ARHGAP20: variants seen among roughly 807,000 people sequenced by gnomAD.
The protein encoded by ARHGAP20 is Rho GTPase activating protein 20.
In ARHGAP20, 34 loss-of-function variants were observed where a neutral mutation model predicts 73.7. That is an observed-to-expected ratio of 0.46 (90% CI 0.35 to 0.61). The LOEUF (loss-of-function observed/expected upper bound fraction) is 0.61, where lower values mean the gene tolerates loss of function less well. Ranked by LOEUF, ARHGAP20 falls within the 20% of genes least tolerant of loss-of-function variation. The pLI is 0.00. For missense variants in ARHGAP20, 1,314 were observed against 1,420.9 expected (o/e 0.92, Z 1.21); for synonymous variants, 523 against 518.2 (o/e 1.01, Z -0.13).
chr11:110,627,021 T>C (rs1472656398), intron 3 of ARHGAP20, among the ~76,000 whole-genome samples: 1 of 152,124 alleles, frequency 6.6e-6, no homozygotes, highest in Non-Finnish European at 1.5e-5. Context: ...CTATCTCCAA[T>C]AGTATTATGA....
At chr11:110,630,888 A>G in intron 2 of ARHGAP20, 96 bp from the exon 3 acceptor site, 1 of 1,294,136 alleles carries the variant, frequency 7.7e-7, no homozygotes. Context: ...ACAATGGTAT[A>G]GCATCCTAAC....
intron 9 of ARHGAP20, among the ~76,000 whole-genome samples, chr11:110,594,942 A>T (rs1305629007): frequency 6.6e-6 from 1 of 151,780 alleles, no homozygotes; most frequent in Non-Finnish European, 1.5e-5. Flanking sequence ...AAGCTTATCC[A>T]CCATGATCCA....
chr11:110,625,885 C>T (rs1486425708), intron 3 of ARHGAP20, among the ~76,000 whole-genome samples: 1 of 152,120 alleles, frequency 6.6e-6, no homozygotes, highest in African/African-American at 2.4e-5. Flanking sequence ...ATGGAAGTAT[C>T]CCTAAAAATT....
At chr11:110,609,174 T>C in intron 7 of ARHGAP20, 124 bp from the exon 8 acceptor site, 1 of 758,546 alleles carries the variant, frequency 1.3e-6, no homozygotes, top group South Asian at 1.7e-5. Context: ...TAGTTAGAGA[T>C]CCATGAACTG....
chr11:110,695,023 A>G (rs1441775158), intron 1 of ARHGAP20, among the ~76,000 whole-genome samples: 1 of 151,632 alleles, frequency 6.6e-6, no homozygotes, highest in Non-Finnish European at 1.5e-5. Context: ...TGCACTGCAA[A>G]CTACACCTTT....
At chr11:110,639,666 C>T (rs1005927497) in intron 2 of ARHGAP20, among the ~76,000 whole-genome samples, 3 of 152,044 alleles carry the variant, frequency 2.0e-5, no homozygotes, top group South Asian at 4.1e-4. Context: ...TTGCCTATTT[C>T]GGGTATTTCA....
At chr11:110,609,436 A>T (rs553400626) in intron 7 of ARHGAP20, among the ~76,000 whole-genome samples, 2 of 152,266 alleles carry the variant, frequency 1.3e-5, no homozygotes, top group East Asian at 3.9e-4. Flanking sequence ...TAATATCTCA[A>T]AGGCTGATTA....
At chr11:110,676,009 C>T (rs1286744264) in intron 2 of ARHGAP20, among the ~76,000 whole-genome samples, 1 of 152,126 alleles carries the variant, frequency 6.6e-6, no homozygotes, top group Non-Finnish European at 1.5e-5. Context: ...TTGAATGAAT[C>T]ACAACATTTT....
intron 4 of ARHGAP20, among the ~76,000 whole-genome samples, chr11:110,617,461 C>T (rs917497708): frequency 1.3e-5 from 2 of 152,062 alleles, no homozygotes; most frequent in Non-Finnish European, 2.9e-5. Context: ...CAGGATTTCT[C>T]CATGTTGGCC....
chr11:110,577,212 A>ATATT lies in ARHGAP20; in HGVS notation c.*2154_*2157dup. 1 of 1,516,968 alleles carries ATATT rather than the reference A, an allele frequency of 6.6e-7. No individual in the cohort carries two copies. The highest frequency in any genetic ancestry group is 8.8e-7 in the Non-Finnish European group (1 of 1,135,580). The allele number at this position is 1,516,968 out of a possible 1,614,324, so 94.0% of individuals were successfully genotyped here. ...ATATGGTAGTAAAATTTGTCAAGAT[A>ATATT]TATTATACAAACTCAAAGCATTTTA... On this transcript the variant is annotated 3_prime_UTR_variant, in exon 15 of 15. Coordinates refer to ENST00000683387, the MANE Select transcript of ARHGAP20 (RefSeq NM_001384657.1).
At chr11:110,656,537 G>A (rs985280589) in intron 2 of ARHGAP20, among the ~76,000 whole-genome samples, 1 of 152,236 alleles carries the variant, frequency 6.6e-6, no homozygotes, top group Admixed American at 6.5e-5. Context: ...TAGTAAGGGA[G>A]AGAGTTCCCT....
intron 2 of ARHGAP20, among the ~76,000 whole-genome samples, chr11:110,642,519 G>C (rs904363220): frequency 5.7e-4 from 86 of 152,038 alleles, no homozygotes; most frequent in African/African-American, 2.0e-3. Context: ...TTTGTTGAAA[G>C]CTTTTCCTGT....
chr11:110,657,995 G>T (rs1312680539), intron 2 of ARHGAP20, among the ~76,000 whole-genome samples: 1 of 151,780 alleles, frequency 6.6e-6, no homozygotes, highest in African/African-American at 2.4e-5. Flanking sequence ...TGAAGTATGG[G>T]GAGGAAGTTC....
chr11:110,584,966 T>TATATGTGAATATATGA (rs1555082410), intron 12 of ARHGAP20, among the ~76,000 whole-genome samples: 1,569 of 105,900 alleles, frequency 0.015, 23 homozygotes, highest in African/African-American at 0.043. Flanking sequence ...TATATGTGAA[T>TATATGTGAATATATGA]ATATGAATAT....
intron 3 of ARHGAP20, among the ~76,000 whole-genome samples, chr11:110,627,365 T>C (rs1208148357): frequency 6.6e-6 from 1 of 152,190 alleles, no homozygotes; most frequent in Non-Finnish European, 1.5e-5. Context: ...AGTGCTGGGA[T>C]TACAGGTGTG....
intron 1 of ARHGAP20, among the ~76,000 whole-genome samples, chr11:110,698,555 G>C (rs1034112356): frequency 3.3e-5 from 5 of 151,590 alleles, no homozygotes; most frequent in Non-Finnish European, 7.4e-5. Flanking sequence ...CTGGGCTTTT[G>C]TTGTTCTTGG....
chr11:110,582,555 G>T, intron 13 of ARHGAP20, 120 bp from the exon 14 acceptor site: 1 of 630,776 alleles, frequency 1.6e-6, no homozygotes, highest in Middle Eastern at 3.0e-4. Flanking sequence ...AATTCATATC[G>T]GCTTTAAAAG....
chr11:110,697,325 T>C (rs1363695605), intron 1 of ARHGAP20, among the ~76,000 whole-genome samples: 1 of 151,772 alleles, frequency 6.6e-6, no homozygotes, highest in Non-Finnish European at 1.5e-5. Context: ...TTAGCATTTC[T>C]CTGATTAGTG....
intron 3 of ARHGAP20, among the ~76,000 whole-genome samples, chr11:110,629,570 CTA>C (rs1948818562): frequency 6.6e-6 from 1 of 152,156 alleles, no homozygotes; most frequent in African/African-American, 2.4e-5. Flanking sequence ...CTCTCCAAAA[CTA>C]TATCTGTAGG....
Sources: allele counts gnomAD v4.1 joint callset (sites outside exome capture counted in the v4.1 genomes callset), GRCh38; gene constraint gnomAD v4.1.1; transcripts MANE v1.5; gene names NCBI Gene and HGNC (gene_info 2026-07-23, HGNC 2026-07-21).